Variants in AEBP2 observed in about 807,000 individuals in gnomAD.
The protein encoded by AEBP2 is AE binding protein 2.
In AEBP2, 10 loss-of-function variants were observed where a neutral mutation model predicts 50.8. The observed-to-expected ratio is 0.20, with a 90% CI of 0.12 to 0.33. AEBP2 has a LOEUF of 0.33. Among genes scored for constraint, AEBP2 ranks in the 10% least tolerant of loss-of-function variants. The probability of loss-of-function intolerance (pLI) is 1.00; values close to 1 mark genes in which losing one functional copy is unlikely to be tolerated. For synonymous variants in AEBP2, 296 were observed against 261.3 expected (o/e 1.13, Z -1.28); for missense variants, 570 against 688.0 (o/e 0.83, Z 1.92).
chr12:19,436,030 T>G (rs1947859072), upstream of AEBP2, among the ~76,000 whole-genome samples: 1 of 152,066 alleles, frequency 6.6e-6, no homozygotes, highest in African/African-American at 2.4e-5. Flanking sequence ...GCATTCTAAG[T>G]TAGGATAAGA....
chr12:19,490,970 G>A (rs1948888146), intron 3 of AEBP2, among the ~76,000 whole-genome samples: 1 of 152,150 alleles, frequency 6.6e-6, no homozygotes, highest in South Asian at 2.1e-4. Flanking sequence ...ATTTTGTGAT[G>A]TGAATTTCAC....
At chr12:19,501,068 G>A (rs186692739) in intron 5 of AEBP2, among the ~76,000 whole-genome samples, 1 of 152,294 alleles carries the variant, frequency 6.6e-6, no homozygotes, top group Admixed American at 6.5e-5. Context: ...GGTGGCTCAT[G>A]CCTGTAATCC....
rs561424752 is a variant in AEBP2, at chr12:19,424,781, G to A, written c.-17+20565G>A. ...CCAGCACTTTGGGAAGTCGAGGTGG[G>A]TGGATCACTTGAGGTCAGGAGTTCA... On this transcript the variant is annotated intron_variant, in intron 1 of 3. Transcript: ENST00000538425. 3.9e-5 allele frequency among the ~76,000 whole-genome samples: 6 copies of A among 152,120 alleles called. No homozygotes were observed. In the East Asian group the frequency reaches 1.2e-3, roughly 30 times the overall value.
intron 5 of AEBP2, 56 bp downstream of exon 5, chr12:19,500,277 C>A: frequency 1.5e-6 from 2 of 1,337,400 alleles, no homozygotes; most frequent in South Asian, 1.7e-5. Context: ...AAAAATATTT[C>A]CACAATCATT....
upstream of AEBP2, among the ~76,000 whole-genome samples, chr12:19,435,059 A>G (rs574244648): frequency 1.3e-5 from 2 of 151,796 alleles, no homozygotes; most frequent in African/African-American, 4.8e-5. Flanking sequence ...TATATATTAG[A>G]TTCTACAGAT....
intron 1 of AEBP2, chr12:19,440,579 C>T: frequency 6.9e-7 from 1 of 1,444,642 alleles, no homozygotes; most frequent in Non-Finnish European, 9.1e-7. Context: ...CCGTTCCCCC[C>T]CAACTCTCCT....
At chr12:19,481,071 A>G (rs1156634224) in intron 3 of AEBP2, among the ~76,000 whole-genome samples, 4 of 77,740 alleles carry the variant, frequency 5.1e-5, no homozygotes, top group African/African-American at 2.1e-4. Context: ...TTCTACTGTT[A>G]TTGAAACTTT....
At chr12:19,515,270 T>G (rs965269767) in intron 7 of AEBP2, among the ~76,000 whole-genome samples, 6 of 152,174 alleles carry the variant, frequency 3.9e-5, no homozygotes, top group African/African-American at 1.4e-4. Context: ...TTGAGCTTTT[T>G]TTAGTGTGCT....
intron 1 of AEBP2, chr12:19,457,068 T>C: frequency 6.2e-7 from 1 of 1,606,942 alleles, no homozygotes; most frequent in Non-Finnish European, 8.5e-7. Flanking sequence ...TTGGCACAAA[T>C]GCTTCTGTGT....
At chr12:19,489,990 CT>C (rs71067029) in intron 3 of AEBP2, among the ~76,000 whole-genome samples, 140 of 47,670 alleles carry the variant, frequency 2.9e-3, no homozygotes, top group African/African-American at 8.8e-3. Flanking sequence ...TTAAAATAAA[CT>C]TTTTTTTTTT....
intron 1 of AEBP2, among the ~76,000 whole-genome samples, chr12:19,458,702 A>G (rs1050486665): frequency 5.3e-5 from 8 of 152,200 alleles, no homozygotes; most frequent in Non-Finnish European, 8.8e-5. Flanking sequence ...TCGCAGCTAT[A>G]TAAATCTCTC....
intron 1 of AEBP2, among the ~76,000 whole-genome samples, chr12:19,407,666 T>C (rs1020237681): frequency 1.3e-4 from 20 of 151,962 alleles, no homozygotes; most frequent in African/African-American, 4.6e-4. Flanking sequence ...CCTGAACTCC[T>C]GGGCTCAAGC....
intron 3 of AEBP2, among the ~76,000 whole-genome samples, chr12:19,487,794 T>A (rs937586251): frequency 3.3e-5 from 5 of 152,138 alleles, no homozygotes; most frequent in African/African-American, 1.2e-4. Flanking sequence ...GCATGTAGTT[T>A]CATATATGTA....
At chr12:19,421,344 C>CAAAAAAAAAAAAAAAAAAAA (rs375160231) in intron 1 of AEBP2, among the ~76,000 whole-genome samples, 2 of 82,452 alleles carry the variant, frequency 2.4e-5, no homozygotes, top group African/African-American at 4.7e-5. Context: ...GACTCTGTCT[C>CAAAAAAAAAAAAAAAAAAAA]AAAAAAAAAA....
chr12:19,448,639 CA>C (rs1450616514), intron 1 of AEBP2, among the ~76,000 whole-genome samples: 1 of 152,162 alleles, frequency 6.6e-6, no homozygotes, highest in Non-Finnish European at 1.5e-5. Flanking sequence ...TTCTCAGTTT[CA>C]TTAGTGTGGC....
chr12:19,485,929 T>C (rs1948801505), intron 3 of AEBP2, among the ~76,000 whole-genome samples: 1 of 149,056 alleles, frequency 6.7e-6, no homozygotes, highest in Non-Finnish European at 1.5e-5. Context: ...GATAAGGTGA[T>C]GTTTGAGGTG....
chr12:19,457,183 C>G, intron 1 of AEBP2: 1 of 1,597,806 alleles, frequency 6.3e-7, no homozygotes, highest in East Asian at 2.2e-5. Flanking sequence ...TTTGTTAACA[C>G]CGACAATTAG....
At chr12:19,484,849 A>G (rs574730879) in intron 3 of AEBP2, among the ~76,000 whole-genome samples, 1 of 152,194 alleles carries the variant, frequency 6.6e-6, no homozygotes, top group East Asian at 1.9e-4. Flanking sequence ...TCAATGGTCT[A>G]ATTAATTTTC....
chr12:19,497,185 C>G (rs1398080311), intron 4 of AEBP2, among the ~76,000 whole-genome samples: 1 of 151,522 alleles, frequency 6.6e-6, no homozygotes, highest in Non-Finnish European at 1.5e-5. Context: ...ACCCAAAATT[C>G]TTAAGATGCA....
Sources: gnomAD v4.1 joint callset for allele counts (sites outside exome capture counted in the v4.1 genomes callset) on GRCh38, gnomAD v4.1.1 for gene constraint, MANE v1.5 for transcripts, NCBI Gene and HGNC (gene_info 2026-07-23, HGNC 2026-07-21) for gene names.